The following CASQ1 variants were observed in gnomAD, a reference collection of about 807,000 sequenced individuals.
CASQ1 encodes the protein calsequestrin 1.
In CASQ1, 40 loss-of-function variants were observed where a neutral mutation model predicts 49.5. The ratio of observed to expected loss-of-function variants is 0.81; its 90% CI spans 0.63 to 1.05. CASQ1 has a LOEUF of 1.05. Among genes scored for constraint, CASQ1 ranks in the 50% least tolerant of loss-of-function variants. The pLI, the probability that CASQ1 is intolerant of heterozygous loss-of-function variation, is 0.00. For synonymous variants in CASQ1, 174 were observed against 187.2 expected, an observed-to-expected ratio of 0.93 and a Z score of 0.58; for missense variants, 469 against 486.9, an observed-to-expected ratio of 0.96 and a Z score of 0.35.
intron 7 of CASQ1, chr1:160,198,445 A>G (rs1233988804): frequency 8.0e-6 from 3 of 373,700 alleles, no homozygotes; most frequent in Non-Finnish European, 1.5e-5. Context: ...CGGAGGTTGC[A>G]GTGAGCCGAG....
rs760098501 is a variant in CASQ1 at position 160,201,334 on chromosome 1, C to A, written c.1149C>A (p.Gly383=). 2.5e-6 allele frequency: 4 copies of A among 1,609,454 alleles called. No homozygotes were observed. Among genetic ancestry groups the A allele is most frequent in the Non-Finnish European group, 3.4e-6 (4 of 1,178,270 alleles). ...LEDWLEDVLE[G]EINTEDDDDD... ...ACTGGCTGGAGGATGTCCTGGAGGG[C>A]GAGATCAACACAGAGGACGATGACG... The change falls in exon 11 of 11, where the codon GGC becomes GGA. Residue 383 remains glycine, a synonymous_variant. Coordinates refer to ENST00000368078, the MANE Select transcript of CASQ1 (RefSeq NM_001231.5).
At chr1:160,195,269 C>T (rs1654190221) in intron 4 of CASQ1, 146 bp downstream of exon 4, 1 of 728,264 alleles carries the variant, frequency 1.4e-6, no homozygotes. Context: ...ATCAACAGCT[C>T]TGACCTCCCT....
intron 3 of CASQ1, 91 bp from the exon 4 acceptor site, chr1:160,194,921 C>G (rs1654182291): frequency 5.3e-6 from 4 of 749,698 alleles, no homozygotes; most frequent in Non-Finnish European, 9.0e-6. Flanking sequence ...CTAGCCCCCT[C>G]CTCCAGTTCC....
In CASQ1 at chr1:160,195,556, T is replaced by C. The variant is rs746964033; in HGVS notation, c.651+22T>C. On this transcript the variant is annotated intron_variant, in intron 5 of 10. Transcript: ENST00000368078. ...CAAGGTTCTCCTCCCCGCAGCTGTA[T>C]TGGTTCTGCCTCATGTCCTGAAGCT... 1.6e-5 allele frequency: 25 copies of C among 1,608,302 alleles called. No individual in the cohort carries two copies. In the East Asian group the frequency reaches 4.9e-4, roughly 32 times the overall value.
In CASQ1 at chr1:160,201,175, G is replaced by A. The variant is rs534241943; in HGVS notation, c.1060-70G>A. 75 of 1,513,636 alleles carry A rather than the reference G, an allele frequency of 5.0e-5. No homozygotes were observed. In the Admixed American group the frequency reaches 1.3e-3, roughly 27 times the overall value. 93.8% of individuals were successfully genotyped at this position (1,513,636 alleles called of 1,614,324 possible). ...TGTAGGGAAGGATGTACAGAGTCCA[G>A]TGAGTGGGAAGACAGATCCTAAGAC... On this transcript the variant is annotated intron_variant, in intron 10 of 10. Transcript: ENST00000368078.
chr1:160,196,020 C>A lies in CASQ1; in HGVS notation c.775C>A (p.His259Asn). 1.2e-6 allele frequency: 2 copies of A among 1,613,744 alleles called. No individual in the cohort carries two copies. Among genetic ancestry groups the A allele is most frequent in the Non-Finnish European group, 1.7e-6 (2 of 1,179,812 alleles). ...EEEIVNFVEEHRRSTLRKLKP... is the reference protein window; with the variant it reads ...EEEIVNFVEENRRSTLRKLKP... ...GGAGATTGTCAACTTCGTGGAGGAG[C>A]ACAGGAGGTGGGGACCAAGGGCAAC... The change falls in exon 6 of 11, where the codon CAC becomes AAC. Residue 259 changes from histidine to asparagine, a missense_variant. Coordinates refer to ENST00000368078, the MANE Select transcript of CASQ1 (RefSeq NM_001231.5).
At chr1:160,198,754 G>T (rs758053760) in intron 8 of CASQ1, 23 bp downstream of exon 8, 1 of 1,606,880 alleles carries the variant, frequency 6.2e-7, no homozygotes, top group South Asian at 1.1e-5. Context: ...TACCGGGTTG[G>T]ACTGGAGGGA....
Position 160,190,865 on chromosome 1 carries a change from G to A in CASQ1, c.114G>A (p.Leu38=). ...PKSGVQGQEG[L]DFPEYDGVDR... ...CAGGGGTACAGGGGCAGGAAGGGCT[G>A]GACTTCCCTGAGTACGATGGTGTGG... Residue 38 remains leucine (L), a synonymous_variant, in exon 1 of 11, where the codon CTG becomes CTA. Transcript: ENST00000368078. 1 of 1,614,190 alleles carries A rather than the reference G, an allele frequency of 6.2e-7. No homozygotes were observed. The highest frequency in any genetic ancestry group is 8.5e-7 in the Non-Finnish European group (1 of 1,180,032).
Position 160,196,046 on chromosome 1 carries a change from C to G in CASQ1, c.782+19C>G, listed in dbSNP as rs140657279. The G allele has an allele frequency of 8.4e-4, 1,350 of 1,612,688 alleles. 21 individuals carry two copies. In the East Asian group the frequency reaches 0.025, roughly 30 times the overall value. ...ACAGGAGGTGGGGACCAAGGGCAAC[C>G]CTCTCAGCGGGGTCGGCTCCTCCTT... On this transcript the variant is annotated intron_variant, in intron 6 of 10. Transcript: ENST00000368078.
At chr1:160,193,079 C>T (rs1654115548) in intron 2 of CASQ1, among the ~76,000 whole-genome samples, 193 bp downstream of exon 2, 2 of 152,092 alleles carry the variant, frequency 1.3e-5, no homozygotes, top group South Asian at 4.1e-4. Flanking sequence ...CTCTCTATTC[C>T]TTATGAAGTT....
chr1:160,194,896 A>T, intron 3 of CASQ1, 116 bp from the exon 4 acceptor site: 1 of 633,872 alleles, frequency 1.6e-6, no homozygotes, highest in Admixed American at 2.8e-5. Flanking sequence ...ACACACACCC[A>T]CACACTGTCA....
chr1:160,193,444 G>T (rs1403123646), intron 2 of CASQ1, among the ~76,000 whole-genome samples: 4 of 151,566 alleles, frequency 2.6e-5, no homozygotes, highest in African/African-American at 9.7e-5. Flanking sequence ...TCAGAGAAGG[G>T]GAGAAATACT....
At position 160,201,476 on chromosome 1, in the gene CASQ1, T is replaced by A. The variant is rs181312915; in HGVS notation, c.*100T>A. Reference sequence around the variant, plus strand: ...TTCCTCCAGGGAGACTAGGTTATTCTCTGCCATAGAGCTAACTGGGGTCTA... The same window carrying A: ...TTCCTCCAGGGAGACTAGGTTATTCACTGCCATAGAGCTAACTGGGGTCTA... On this transcript the variant is annotated 3_prime_UTR_variant, in exon 11 of 11. Transcript: ENST00000368078. 2.5e-4 allele frequency: 333 copies of A among 1,315,566 alleles called. 1 individual carries two copies. The African/African-American group carries it at 4.0e-3, about 16-fold the overall frequency. 81.5% of individuals were successfully genotyped at this position (1,315,566 alleles called of 1,614,324 possible). A position where few individuals can be genotyped will look rare whatever the true frequency, so the allele number is the denominator to read the frequency against.
intron 4 of CASQ1, 33 bp from the exon 5 acceptor site, chr1:160,195,428 C>G (rs530133805): frequency 6.3e-7 from 1 of 1,598,748 alleles, no homozygotes; most frequent in African/African-American, 1.3e-5. Context: ...ACCCTGGTTT[C>G]CCCAGAGACT....
intron 7 of CASQ1, 52 bp downstream of exon 7, chr1:160,197,666 G>C: frequency 7.7e-7 from 1 of 1,299,486 alleles, no homozygotes; most frequent in Non-Finnish European, 1.1e-6. Flanking sequence ...GGTGCCAGAA[G>C]ACTCAAGTCC....
At position 160,196,381 on chromosome 1, in the gene CASQ1, C is replaced by T. The variant is rs147017559; in HGVS notation, c.782+354C>T. 1.2e-3 allele frequency among the ~76,000 whole-genome samples: 177 copies of T among 152,266 alleles called. 2 individuals carry two copies. Among genetic ancestry groups the T allele is most frequent in the East Asian group, 5.2e-3 (27 of 5,192 alleles). ...CTATGATTATATTAAGTCCTTTTAA[C>T]CTCAGTGAAAGTTTCTACAGGTAAT... On this transcript the variant is annotated intron_variant, in intron 6 of 10. Coordinates refer to ENST00000368078, the MANE Select transcript of CASQ1 (RefSeq NM_001231.5).
intron 6 of CASQ1, among the ~76,000 whole-genome samples, chr1:160,196,520 T>C (rs1654245997): frequency 6.6e-6 from 1 of 151,570 alleles, no homozygotes; most frequent in East Asian, 1.9e-4. Context: ...CTCTATCCCC[T>C]AGGCTGGAGC....
chr1:160,198,033 A>T (rs905237645), intron 7 of CASQ1, among the ~76,000 whole-genome samples: 1 of 151,882 alleles, frequency 6.6e-6, no homozygotes, highest in African/African-American at 2.4e-5. Flanking sequence ...AAAAGAAAAA[A>T]CAGTGCACTA....
Position 160,195,938 on chromosome 1 carries a change from C to A in CASQ1, c.693C>A (p.Phe231Leu), listed in dbSNP as rs1557815172. ...CCCTGAAGCTGAATGAGATTGATTT[C>A]TACGAGGCCTTCATGGAAGAGCCTG... ...KLTLKLNEID[F>L]YEAFMEEPVT... The change falls in exon 6 of 11, where the codon TTC becomes TTA. Residue 231 changes from phenylalanine to leucine, a missense_variant. Physicochemically the swap from Phe to Leu is conservative, Grantham distance 22. Coordinates refer to ENST00000368078, the MANE Select transcript of CASQ1 (RefSeq NM_001231.5). The A allele has an allele frequency of 6.2e-7, 1 of 1,614,130 alleles. No homozygotes were observed. The highest frequency in any genetic ancestry group is 2.2e-5 in the East Asian group (1 of 44,876).
Sources: gnomAD v4.1 joint callset for allele counts (sites outside exome capture counted in the v4.1 genomes callset) on GRCh38, gnomAD v4.1.1 for gene constraint, MANE v1.5 for transcripts, NCBI Gene and HGNC (gene_info 2026-07-23, HGNC 2026-07-21) for gene names.